Variants in CADM1 observed in about 807,000 individuals in gnomAD.
The protein encoded by CADM1 is TSLC-1.
Under a neutral mutation model 53.1 loss-of-function variants are expected in CADM1, and 15 were observed. The ratio of observed to expected loss-of-function variants is 0.28; its 90% CI spans 0.19 to 0.44. The LOEUF (loss-of-function observed/expected upper bound fraction) is 0.44, where lower values mean the gene tolerates loss of function less well. CADM1 is among the 20% of genes least tolerant of loss of function. The pLI is 1.00. For synonymous variants in CADM1, 281 were observed against 243.0 expected, an observed-to-expected ratio of 1.16 and a Z score of -1.45; for missense variants, 434 against 611.3, an observed-to-expected ratio of 0.71 and a Z score of 3.06.
At chr11:115,383,628 G>A (rs534434182) in intron 1 of CADM1, among the ~76,000 whole-genome samples, 14 of 152,188 alleles carry the variant, frequency 9.2e-5, no homozygotes, top group Non-Finnish European at 1.6e-4. Flanking sequence ...CTGTAGAACA[G>A]ACAGACGTGG....
intron 1 of CADM1, among the ~76,000 whole-genome samples, chr11:115,451,589 G>A (rs1948573228): frequency 6.6e-6 from 1 of 152,156 alleles, no homozygotes. Context: ...AGCAACTACT[G>A]TTATTCATTC....
At chr11:115,341,575 T>A (rs191349742) in intron 1 of CADM1, among the ~76,000 whole-genome samples, 146 of 152,320 alleles carry the variant, frequency 9.6e-4, no homozygotes, top group Non-Finnish European at 1.8e-3. Flanking sequence ...AAAGAAGCAC[T>A]GTGTTTTTGC....
rs4445669 is a variant in CADM1 at position 115,174,517 on chromosome 11, T to C, written c.*1957A>G. The C allele has an allele frequency of 0.54, 529,319 of 984,800 alleles. 144,579 individuals are homozygous for C. Among genetic ancestry groups the C allele is most frequent in the Non-Finnish European group, 0.56 (465,436 of 829,334 alleles). 61.0% of individuals were successfully genotyped at this position (984,800 alleles called of 1,614,324 possible). A position where few individuals can be genotyped will look rare whatever the true frequency, so the allele number is the denominator to read the frequency against. ...GGGTAAATAAAATGCTGCTCGATAA[T>C]GGATTTTCTTTTACATACCAGTCCG... On this transcript the variant is annotated 3_prime_UTR_variant, in exon 12 of 12. Coordinates refer to ENST00000331581, the MANE Select transcript of CADM1 (RefSeq NM_001301043.2).
intron 1 of CADM1, among the ~76,000 whole-genome samples, chr11:115,395,446 G>C (rs2135195482): frequency 6.6e-6 from 1 of 152,212 alleles, no homozygotes; most frequent in East Asian, 1.9e-4. Context: ...TCTGAAGCTG[G>C]CTCAACAAAA....
chr11:115,231,583 G>T, intron 3 of CADM1, 93 bp from the exon 4 acceptor site: 2 of 1,196,632 alleles, frequency 1.7e-6, no homozygotes, highest in Non-Finnish European at 2.5e-6. Context: ...TTCCTGATGG[G>T]AATTTAAATC....
chr11:115,333,263 C>T (rs1401854435), intron 1 of CADM1, among the ~76,000 whole-genome samples: 1 of 152,136 alleles, frequency 6.6e-6, no homozygotes. Context: ...CAGATCACTT[C>T]CTCACTTAAA....
At chr11:115,317,545 C>T (rs750021855) in intron 1 of CADM1, among the ~76,000 whole-genome samples, 2 of 152,152 alleles carry the variant, frequency 1.3e-5, no homozygotes, top group African/African-American at 2.4e-5. Context: ...TTTACCATCA[C>T]GTGTTAAGTT....
In CADM1 at chr11:115,496,763, A is replaced by G. The variant is rs539009959; in HGVS notation, c.124+7508T>C. 8.5e-5 allele frequency among the ~76,000 whole-genome samples: 13 copies of G among 152,258 alleles called. 1 individual carries two copies. In the East Asian group the frequency reaches 2.5e-3, roughly 29 times the overall value. On this transcript the variant is annotated intron_variant, in intron 1 of 11. Coordinates refer to ENST00000331581, the MANE Select transcript of CADM1 (RefSeq NM_001301043.2). ...CAGAGAATGTCACTTAGAAACAATC[A>G]GCCCCATTTTATTTCAGTGCAAGCA...
intron 10 of CADM1, among the ~76,000 whole-genome samples, chr11:115,190,009 TA>T (rs1939769339): frequency 6.6e-6 from 1 of 152,222 alleles, no homozygotes; most frequent in Non-Finnish European, 1.5e-5. Flanking sequence ...AGCCAACTAT[TA>T]AAAGGAGCTT....
Position 115,240,278 on chromosome 11 carries a change from G to A in CADM1, c.267C>T (p.Phe89=). The change falls in exon 2 of 12, where the codon TTC becomes TTT. Residue 89 remains phenylalanine (F), a synonymous_variant. Transcript: ENST00000331581. ...PNRQTIYFRD[F]RPLKDSRFQL... ...ACTATAGAGATGGAAACTTACGCCT[G>A]AAGTCCCTGAAATAAATGGTCTGCC... 6.2e-7 allele frequency: 1 copy of A among 1,613,602 alleles called. No individual in the cohort carries two copies. The highest frequency in any genetic ancestry group is 8.5e-7 in the Non-Finnish European group (1 of 1,179,762).
At chr11:115,314,869 A>G (rs1240326159) in intron 1 of CADM1, among the ~76,000 whole-genome samples, 1 of 152,226 alleles carries the variant, frequency 6.6e-6, no homozygotes, top group African/African-American at 2.4e-5. Flanking sequence ...AGCTAAGTCA[A>G]TTTTGACTGT....
chr11:115,411,383 G>T (rs1252629596), intron 1 of CADM1, among the ~76,000 whole-genome samples: 1 of 152,134 alleles, frequency 6.6e-6, no homozygotes, highest in Non-Finnish European at 1.5e-5. Context: ...CATCAAATCA[G>T]ATTTGGATAA....
intron 1 of CADM1, among the ~76,000 whole-genome samples, chr11:115,305,992 C>T (rs895515397): frequency 6.8e-6 from 1 of 148,066 alleles, no homozygotes; most frequent in African/African-American, 2.5e-5. Context: ...ACACATTTTC[C>T]TATATATCAA....
chr11:115,484,620 G>A (rs936080188), intron 1 of CADM1, among the ~76,000 whole-genome samples: 8 of 152,236 alleles, frequency 5.3e-5, no homozygotes, highest in South Asian at 2.1e-4. Flanking sequence ...ACAATTTGGC[G>A]TACTGGTATG....
intron 1 of CADM1, among the ~76,000 whole-genome samples, chr11:115,258,627 T>C (rs868020064): frequency 6.6e-6 from 1 of 152,230 alleles, no homozygotes; most frequent in African/African-American, 2.4e-5. Context: ...AACCTTGTCA[T>C]GGACACTGGC....
intron 1 of CADM1, among the ~76,000 whole-genome samples, chr11:115,380,397 T>G (rs1012235470): frequency 4.6e-5 from 7 of 152,244 alleles, no homozygotes; most frequent in South Asian, 2.1e-4. Context: ...AAACCATCCA[T>G]CAGTGTACGT....
chr11:115,276,553 A>G (rs1943449476), intron 1 of CADM1, among the ~76,000 whole-genome samples: 1 of 152,252 alleles, frequency 6.6e-6, no homozygotes, highest in Non-Finnish European at 1.5e-5. Context: ...GAAAAATAAA[A>G]TATTGTATGT....
chr11:115,242,615 A>T (rs1942278654), intron 1 of CADM1, among the ~76,000 whole-genome samples: 1 of 152,198 alleles, frequency 6.6e-6, no homozygotes, highest in South Asian at 2.1e-4. Context: ...CAAGGGCTAT[A>T]ACTGTCTTAA....
chr11:115,442,623 A>G (rs979359223), intron 1 of CADM1, among the ~76,000 whole-genome samples: 2 of 152,168 alleles, frequency 1.3e-5, no homozygotes, highest in African/African-American at 2.4e-5. Flanking sequence ...TACTCCTCCT[A>G]TCACTCCTGG....
Sources: gnomAD v4.1 joint callset for allele counts (sites outside exome capture counted in the v4.1 genomes callset) on GRCh38, gnomAD v4.1.1 for gene constraint, MANE v1.5 for transcripts, NCBI Gene and HGNC (gene_info 2026-07-23, HGNC 2026-07-21) for gene names.